SUCLG2: variants seen among roughly 807,000 people sequenced by gnomAD.
SUCLG2 encodes succinate-CoA ligase GDP-forming subunit beta.
SUCLG2 carries 42 observed loss-of-function variants against 47.9 expected under a neutral mutation model. That is an observed-to-expected ratio of 0.88 (90% CI 0.69 to 1.14). SUCLG2 has a LOEUF of 1.14. SUCLG2 is among the 50% of genes most tolerant of loss of function. The pLI, the probability that SUCLG2 is intolerant of heterozygous loss-of-function variation, is 0.00. For missense variants in SUCLG2, 571 were observed against 525.9 expected (o/e 1.09, Z -0.84); for synonymous variants, 195 against 197.3 (o/e 0.99, Z 0.10).
intron 9 of SUCLG2, among the ~76,000 whole-genome samples, chr3:67,425,812 A>G (rs1703286734): frequency 6.6e-6 from 1 of 152,240 alleles, no homozygotes; most frequent in African/African-American, 2.4e-5. Context: ...ACTCTAAAAC[A>G]GGTGTAGTAA....
At chr3:67,425,856 T>C (rs1413886662) in intron 9 of SUCLG2, among the ~76,000 whole-genome samples, 2 of 152,206 alleles carry the variant, frequency 1.3e-5, no homozygotes, top group African/African-American at 4.8e-5. Flanking sequence ...TGCATAAACA[T>C]TCGAGCTGTC....
At chr3:67,413,343 T>C (rs1334433592) in intron 9 of SUCLG2, among the ~76,000 whole-genome samples, 1 of 152,176 alleles carries the variant, frequency 6.6e-6, no homozygotes. Context: ...ATTTTCAGCA[T>C]GATGAAAGAT....
chr3:67,622,246 A>C (rs1485532689), intron 1 of SUCLG2, among the ~76,000 whole-genome samples: 1 of 152,256 alleles, frequency 6.6e-6, no homozygotes, highest in Non-Finnish European at 1.5e-5. Flanking sequence ...ACACAGGGGA[A>C]AAACTAGCAA....
intron 2 of SUCLG2, among the ~76,000 whole-genome samples, chr3:67,598,786 G>T (rs903831384): frequency 1.3e-5 from 2 of 152,282 alleles, no homozygotes; most frequent in East Asian, 1.9e-4. Context: ...TTAAGGCCTA[G>T]ATCATTCCTC....
intron 6 of SUCLG2, among the ~76,000 whole-genome samples, chr3:67,515,431 A>T (rs1368404432): frequency 2.0e-5 from 3 of 152,250 alleles, no homozygotes; most frequent in Non-Finnish European, 4.4e-5. Flanking sequence ...GGGAACAAAC[A>T]CTGGTAATTT....
At chr3:67,573,807 C>T (rs750566723) in intron 2 of SUCLG2, among the ~76,000 whole-genome samples, 4 of 151,980 alleles carry the variant, frequency 2.6e-5, no homozygotes, top group Non-Finnish European at 4.4e-5. Context: ...CCAATAAAAC[C>T]CTGTCTTACT....
At chr3:67,505,641 G>A (rs1012986707) in intron 7 of SUCLG2, among the ~76,000 whole-genome samples, 3 of 152,012 alleles carry the variant, frequency 2.0e-5, no homozygotes, top group Non-Finnish European at 4.4e-5. Context: ...ACTGACCAAT[G>A]GAAGGTCAAA....
chr3:67,372,571 T>C (rs188768325), downstream of SUCLG2, among the ~76,000 whole-genome samples: 2,915 of 152,286 alleles, frequency 0.019, 47 homozygotes, highest in Middle Eastern at 0.037. Context: ...GAACAGCATA[T>C]GTTCAAAAGT....
At chr3:67,455,313 G>C (rs1475352892) in intron 9 of SUCLG2, among the ~76,000 whole-genome samples, 1 of 152,278 alleles carries the variant, frequency 6.6e-6, no homozygotes, top group East Asian at 1.9e-4. Flanking sequence ...TTGAGTAAGT[G>C]AGGGTCTTCT....
At chr3:67,536,350 A>G (rs1706540756) in intron 2 of SUCLG2, among the ~76,000 whole-genome samples, 1 of 152,242 alleles carries the variant, frequency 6.6e-6, no homozygotes, top group Non-Finnish European at 1.5e-5. Context: ...TTGAATAGAA[A>G]TCTTGTATTT....
At chr3:67,414,509 C>A (rs1313676359) in intron 9 of SUCLG2, among the ~76,000 whole-genome samples, 1 of 152,194 alleles carries the variant, frequency 6.6e-6, no homozygotes, top group East Asian at 1.9e-4. Context: ...TAGATTAAGA[C>A]AACAGAAAAT....
At chr3:67,575,491 A>C (rs1407875077) in intron 2 of SUCLG2, among the ~76,000 whole-genome samples, 2 of 152,230 alleles carry the variant, frequency 1.3e-5, no homozygotes, top group Non-Finnish European at 2.9e-5. Flanking sequence ...TTAGAGACTG[A>C]AAGTGAATGA....
chr3:67,509,786 T>G (rs187782629), intron 6 of SUCLG2, among the ~76,000 whole-genome samples: 75 of 152,324 alleles, frequency 4.9e-4, no homozygotes, highest in African/African-American at 1.6e-3. Flanking sequence ...GTTTTCCCAC[T>G]GCCACATTTC....
chr3:67,588,484 A>G (rs989804042), intron 2 of SUCLG2, among the ~76,000 whole-genome samples: 1 of 152,236 alleles, frequency 6.6e-6, no homozygotes, highest in African/African-American at 2.4e-5. Context: ...CACATGAAAC[A>G]ATAAGTCAAC....
At chr3:67,645,039 T>C (rs1044644668) in intron 1 of SUCLG2, among the ~76,000 whole-genome samples, 5 of 152,256 alleles carry the variant, frequency 3.3e-5, no homozygotes, top group African/African-American at 1.2e-4. Context: ...AGGAACACTA[T>C]GACTCTTGGC....
chr3:67,654,438 G>C (rs1346557739), intron 1 of SUCLG2, 65 bp downstream of exon 1: 3 of 1,185,378 alleles, frequency 2.5e-6, no homozygotes, highest in Admixed American at 8.5e-5. Flanking sequence ...AGTAGCAGGG[G>C]GCGAGGGAAG....
At chr3:67,599,882 C>A (rs1156425658) in intron 2 of SUCLG2, among the ~76,000 whole-genome samples, 4 of 152,174 alleles carry the variant, frequency 2.6e-5, no homozygotes, top group African/African-American at 9.7e-5. Context: ...TCAAGTAACA[C>A]AACTCTTTTA....
At chr3:67,491,989 C>G (rs1324156961) in intron 9 of SUCLG2, among the ~76,000 whole-genome samples, 1 of 152,160 alleles carries the variant, frequency 6.6e-6, no homozygotes, top group Non-Finnish European at 1.5e-5. Context: ...AGACTGGAAC[C>G]CAGGCAGTCT....
chr3:67,438,815 G>C (rs7631636), intron 9 of SUCLG2, among the ~76,000 whole-genome samples: 86,986 of 151,992 alleles, frequency 0.57, 25,294 homozygotes, highest in Non-Finnish European at 0.62. Flanking sequence ...GGTACAAAGA[G>C]GAGCTGGTAC....
Sources: gnomAD v4.1 joint callset for allele counts (sites outside exome capture counted in the v4.1 genomes callset) on GRCh38, gnomAD v4.1.1 for gene constraint, MANE v1.5 for transcripts, NCBI Gene and HGNC (gene_info 2026-07-23, HGNC 2026-07-21) for gene names.